NDFIP1: variants seen among roughly 807,000 people sequenced by gnomAD.
NDFIP1 encodes the protein NEDD4 family-interacting protein 1.
NDFIP1 carries 7 observed loss-of-function variants against 28.8 expected under a neutral mutation model. The ratio of observed to expected loss-of-function variants is 0.24; its 90% CI spans 0.14 to 0.46. NDFIP1 has a LOEUF of 0.46. Among genes scored for constraint, NDFIP1 ranks in the 20% least tolerant of loss-of-function variants. The pLI is 0.99. For synonymous variants in NDFIP1, 92 were observed against 101.0 expected, an observed-to-expected ratio of 0.91 and a Z score of 0.53; for missense variants, 194 against 269.1, an observed-to-expected ratio of 0.72 and a Z score of 1.95.
chr5:142,137,983 CTG>C (rs1757292538), intron 5 of NDFIP1, 125 bp downstream of exon 5: 3 of 1,275,432 alleles, frequency 2.4e-6, no homozygotes, highest in Admixed American at 2.8e-5. Flanking sequence ...TTTGGTTTGT[CTG>C]TGGTTTCATG....
At chr5:142,137,515 G>C (rs1376864649) in intron 4 of NDFIP1, among the ~76,000 whole-genome samples, 1 of 152,142 alleles carries the variant, frequency 6.6e-6, no homozygotes, top group Non-Finnish European at 1.5e-5. Flanking sequence ...ACTAGCAGTA[G>C]ACATAAGTGT....
intron 1 of NDFIP1, among the ~76,000 whole-genome samples, chr5:142,114,672 A>G (rs1239026896): frequency 6.6e-6 from 1 of 152,236 alleles, no homozygotes; most frequent in East Asian, 1.9e-4. Flanking sequence ...ATGATATTTC[A>G]AGAAGATATC....
intron 6 of NDFIP1, 90 bp from the exon 7 acceptor site, chr5:142,144,478 TAAC>T (rs1419552474): frequency 3.4e-6 from 3 of 889,722 alleles, no homozygotes; most frequent in Non-Finnish European, 5.3e-6. Flanking sequence ...AGCAGAAAAA[TAAC>T]AATGTATCGC....
intron 1 of NDFIP1, 75 bp from the exon 2 acceptor site, chr5:142,131,733 A>G (rs1332268777): frequency 2.6e-6 from 3 of 1,158,358 alleles, no homozygotes; most frequent in African/African-American, 3.2e-5. Flanking sequence ...GAGAAAGGCT[A>G]TTTATTTCAG....
intron 1 of NDFIP1, among the ~76,000 whole-genome samples, chr5:142,119,070 G>A (rs547111611): frequency 2.0e-5 from 3 of 152,144 alleles, no homozygotes; most frequent in East Asian, 3.9e-4. Context: ...ATATATGTCT[G>A]TATATTAACC....
At chr5:142,151,435 T>A (rs1757445584) in intron 7 of NDFIP1, among the ~76,000 whole-genome samples, 1 of 152,240 alleles carries the variant, frequency 6.6e-6, no homozygotes, top group East Asian at 1.9e-4. Context: ...GGATGCGCAG[T>A]AGCACTGCTT....
chr5:142,143,108 G>A (rs916932523), intron 6 of NDFIP1: 2 of 151,572 alleles, frequency 1.3e-5, no homozygotes, highest in African/African-American at 4.9e-5. Flanking sequence ...GGCTGCTCTT[G>A]AGCTATAGTT....
intron 1 of NDFIP1, among the ~76,000 whole-genome samples, chr5:142,114,098 A>G (rs1435724776): frequency 6.6e-6 from 1 of 152,164 alleles, no homozygotes; most frequent in Non-Finnish European, 1.5e-5. Flanking sequence ...TCATACGGCA[A>G]TTCTATTTTT....
intron 6 of NDFIP1, chr5:142,142,929 AAAAAAAAAAAAAT>A (rs1242655049): frequency 1.3e-5 from 1 of 77,394 alleles, no homozygotes; most frequent in Non-Finnish European, 2.9e-5. Context: ...AAAAAAAAAA[AAAAAAAAAAAAAT>A]ATATATATAT....
In NDFIP1 at chr5:142,152,490, C is replaced by T. The variant is rs1196068392; in HGVS notation, c.*762C>T. 2 of 142,826 alleles carry T rather than the reference C, an allele frequency of 1.4e-5. No homozygotes were observed. The highest frequency in any genetic ancestry group is 3.1e-5 in the Non-Finnish European group (2 of 64,542). The allele number at this position is 142,826 out of a possible 1,614,324, so 8.8% of individuals were successfully genotyped here. On this transcript the variant is annotated 3_prime_UTR_variant, in exon 8 of 8. Transcript: ENST00000253814. ...TTTCTATAATTAGCGTTCTTCACCC[C>T]CACCCCCACCCCCACCCCCCTTATT...
At chr5:142,133,021 G>A (rs1757241803) in intron 3 of NDFIP1, among the ~76,000 whole-genome samples, 1 of 152,258 alleles carries the variant, frequency 6.6e-6, no homozygotes, top group Admixed American at 6.5e-5. Flanking sequence ...GAAATGCGGG[G>A]ACCATCAGGC....
intron 1 of NDFIP1, among the ~76,000 whole-genome samples, chr5:142,114,583 C>T (rs970293994): frequency 2.0e-5 from 3 of 152,132 alleles, no homozygotes; most frequent in African/African-American, 7.2e-5. Flanking sequence ...TTATACTCAC[C>T]ACATTATTTT....
In NDFIP1 at chr5:142,141,958, ACCTCGTCTCT is replaced by A. The variant is rs1596794016; in HGVS notation, c.562+1330_562+1339del. Reference sequence around the variant, plus strand: ...AGACCAGCCTGGGCAACATAGCAAGACCTCGTCTCTACAAAAAAATTTTTTTAAATTAACC... The same window carrying A: ...AGACCAGCCTGGGCAACATAGCAAGAACAAAAAAATTTTTTTAAATTAACC... On this transcript the variant is annotated intron_variant, in intron 6 of 7. Transcript: ENST00000253814. Among the ~76,000 whole-genome samples the A allele has an allele frequency of 2.0e-5, 3 of 152,018 alleles. No individual in the cohort carries two copies. The East Asian group carries it at 5.8e-4, about 29-fold the overall frequency.
At chr5:142,147,401 CATGTG>C (rs1338417589) in intron 7 of NDFIP1, among the ~76,000 whole-genome samples, 5 of 152,294 alleles carry the variant, frequency 3.3e-5, no homozygotes, top group African/African-American at 9.6e-5. Flanking sequence ...AGAAAACCGT[CATGTG>C]AAGTAAGAAA....
intron 4 of NDFIP1, among the ~76,000 whole-genome samples, chr5:142,137,051 A>G (rs867362331): frequency 3.8e-5 from 5 of 131,342 alleles, no homozygotes; most frequent in African/African-American, 9.0e-5. Context: ...AGCCTGGGTG[A>G]CAGAGTGAGA....
At chr5:142,145,717 G>A (rs1453535315) in intron 7 of NDFIP1, among the ~76,000 whole-genome samples, 7 of 152,048 alleles carry the variant, frequency 4.6e-5, no homozygotes, top group Admixed American at 3.9e-4. Context: ...TGAGGGTCAA[G>A]GCTAAAAAGT....
In NDFIP1 at chr5:142,141,970, C is replaced by A. The variant is rs1299640824; in HGVS notation, c.562+1341C>A. Among the ~76,000 whole-genome samples the A allele has an allele frequency of 2.0e-5, 3 of 152,024 alleles. No homozygotes were observed. In the East Asian group the frequency reaches 5.8e-4, roughly 29 times the overall value. ...GCAACATAGCAAGACCTCGTCTCTA[C>A]AAAAAAATTTTTTTAAATTAACCAA... On this transcript the variant is annotated intron_variant, in intron 6 of 7. Transcript: ENST00000253814.
intron 1 of NDFIP1, among the ~76,000 whole-genome samples, chr5:142,119,869 C>T (rs1046772653): frequency 1.1e-4 from 17 of 152,188 alleles, no homozygotes; most frequent in East Asian, 1.9e-4. Context: ...AAATTGAAAG[C>T]GCTACAGATA....
At chr5:142,145,890 A>G (rs183094408) in intron 7 of NDFIP1, among the ~76,000 whole-genome samples, 117 of 152,320 alleles carry the variant, frequency 7.7e-4, no homozygotes, top group African/African-American at 2.7e-3. Flanking sequence ...ATAGGCAATC[A>G]TATACTAATC....
Sources: gnomAD v4.1 joint callset for allele counts (sites outside exome capture counted in the v4.1 genomes callset) on GRCh38, gnomAD v4.1.1 for gene constraint, MANE v1.5 for transcripts, NCBI Gene and HGNC (gene_info 2026-07-23, HGNC 2026-07-21) for gene names.